Variants in XPR1 observed in about 807,000 individuals in gnomAD.
XPR1 encodes xenotropic and polytropic retrovirus receptor 1.
A neutral mutation model predicts 87.5 loss-of-function variants in XPR1; 28 were observed. The observed-to-expected ratio is 0.32, with a 90% confidence interval of 0.24 to 0.44. The LOEUF (loss-of-function observed/expected upper bound fraction) is 0.44, where lower values mean the gene tolerates loss of function less well. Among genes scored for constraint, XPR1 ranks in the 20% least tolerant of loss-of-function variants. XPR1 has a pLI of 1.00. For missense variants in XPR1, 559 were observed against 862.3 expected (o/e 0.65, Z 4.41); for synonymous variants, 300 against 306.1 (o/e 0.98, Z 0.21).
chr1:180,679,749 A>G (rs1656499692), intron 1 of XPR1, among the ~76,000 whole-genome samples: 1 of 152,222 alleles, frequency 6.6e-6, no homozygotes, highest in Non-Finnish European at 1.5e-5. Flanking sequence ...TATAAAGTAA[A>G]CCGATACTGT....
chr1:180,838,282 A>G lies in XPR1; in HGVS notation c.1501+1566A>G, dbSNP rs571325337. On this transcript the variant is annotated intron_variant, in intron 11 of 14. Coordinates refer to ENST00000367590, the MANE Select transcript of XPR1 (RefSeq NM_004736.4). Reference sequence around the variant, plus strand: ...AAGTGGATTATCATGAAGGTCATCTATGTCATCTTCACATTGTGTAGGCTG... The same window carrying G: ...AAGTGGATTATCATGAAGGTCATCTGTGTCATCTTCACATTGTGTAGGCTG... Among the ~76,000 whole-genome samples, 52 of 152,236 alleles carry G rather than the reference A, an allele frequency of 3.4e-4. 1 individual carries two copies. In the South Asian group the frequency reaches 8.7e-3, roughly 25 times the overall value.
At chr1:180,722,993 A>G (rs958987936) in intron 2 of XPR1, among the ~76,000 whole-genome samples, 3 of 152,220 alleles carry the variant, frequency 2.0e-5, no homozygotes, top group Non-Finnish European at 4.4e-5. Flanking sequence ...GGTGTCCACT[A>G]TATATTAGGA....
intron 1 of XPR1, among the ~76,000 whole-genome samples, chr1:180,656,654 A>T (rs1023480424): frequency 8.2e-6 from 1 of 122,092 alleles, no homozygotes; most frequent in African/African-American, 3.2e-5. Flanking sequence ...TATTATATAT[A>T]ATATATAATT....
Position 180,692,213 on chromosome 1 carries a change from T to C in XPR1, c.121+9802T>C, listed in dbSNP as rs529730722. On this transcript the variant is annotated intron_variant, in intron 2 of 14. Transcript: ENST00000367590. ...TTGTTTTGTCAGTAAGGTACCCTAG[T>C]CATTTATTGTCTCTGCTTGAAGTGG... Among the ~76,000 whole-genome samples, 25 of 152,192 alleles carry C rather than the reference T, an allele frequency of 1.6e-4. 1 individual carries two copies. Among genetic ancestry groups the C allele is most frequent in the African/African-American group, 5.5e-4 (23 of 41,554 alleles).
chr1:180,711,843 A>G (rs895195608), intron 2 of XPR1, among the ~76,000 whole-genome samples: 1 of 152,174 alleles, frequency 6.6e-6, no homozygotes, highest in Non-Finnish European at 1.5e-5. Context: ...TTTAGGTTTT[A>G]CATTTAGGTC....
At chr1:180,853,224 G>A (rs912968348) in intron 11 of XPR1, among the ~76,000 whole-genome samples, 5 of 152,140 alleles carry the variant, frequency 3.3e-5, no homozygotes, top group African/African-American at 1.2e-4. Context: ...CACTGCCACT[G>A]CGCCTGGCTT....
At chr1:180,816,475 C>T (rs1265745302) in intron 7 of XPR1, among the ~76,000 whole-genome samples, 1 of 152,132 alleles carries the variant, frequency 6.6e-6, no homozygotes, top group African/African-American at 2.4e-5. Flanking sequence ...TAACCTATGA[C>T]CCAGTTCTAA....
chr1:180,843,493 G>A (rs188902395), intron 11 of XPR1, among the ~76,000 whole-genome samples: 38 of 152,178 alleles, frequency 2.5e-4, no homozygotes, highest in Admixed American at 2.0e-3. Flanking sequence ...TGACGATGCC[G>A]TAAAGCCAAA....
At chr1:180,775,488 G>A (rs1457149751) in intron 2 of XPR1, among the ~76,000 whole-genome samples, 1 of 152,034 alleles carries the variant, frequency 6.6e-6, no homozygotes, top group Non-Finnish European at 1.5e-5. Flanking sequence ...TATTCATCTT[G>A]GATTATCCTC....
chr1:180,788,378 A>G (rs576705536), intron 3 of XPR1, among the ~76,000 whole-genome samples: 19 of 152,356 alleles, frequency 1.2e-4, no homozygotes, highest in South Asian at 8.3e-4. Context: ...GTATGTTGCA[A>G]TGTACATAAT....
intron 2 of XPR1, among the ~76,000 whole-genome samples, chr1:180,779,168 T>A (rs1044511469): frequency 1.3e-5 from 2 of 152,190 alleles, no homozygotes; most frequent in Non-Finnish European, 2.9e-5. Context: ...TGATCATTTC[T>A]TACTCTGCCA....
intron 1 of XPR1, among the ~76,000 whole-genome samples, chr1:180,649,912 A>G (rs553139049): frequency 5.3e-5 from 8 of 152,168 alleles, no homozygotes; most frequent in African/African-American, 1.7e-4. Flanking sequence ...CCTTAACTCT[A>G]CCTTCTCAAG....
chr1:180,822,474 T>G (rs1358221868), intron 7 of XPR1, among the ~76,000 whole-genome samples: 1 of 152,240 alleles, frequency 6.6e-6, no homozygotes, highest in Non-Finnish European at 1.5e-5. Context: ...GTAGTTTTCC[T>G]TCAAACCCCT....
intron 1 of XPR1, among the ~76,000 whole-genome samples, chr1:180,671,566 C>G (rs1337744041): frequency 6.6e-6 from 1 of 152,054 alleles, no homozygotes; most frequent in Admixed American, 6.5e-5. Context: ...GTCCTGTCAC[C>G]CAGGCTGGAG....
Position 180,843,925 on chromosome 1 carries a change from A to C in XPR1, c.1501+7209A>C, listed in dbSNP as rs1033305671. ...AGAGGATCTGTGGTGTTTAAAAGAA[A>C]TAGTTGACCGGGCACAGTAGCTCAC... On this transcript the variant is annotated intron_variant, in intron 11 of 14. Coordinates refer to ENST00000367590, the MANE Select transcript of XPR1 (RefSeq NM_004736.4). 2.6e-5 allele frequency among the ~76,000 whole-genome samples: 4 copies of C among 152,192 alleles called. No homozygotes were observed. In the East Asian group the frequency reaches 7.7e-4, roughly 29 times the overall value.
intron 1 of XPR1, among the ~76,000 whole-genome samples, chr1:180,646,719 C>T (rs1655131700): frequency 6.6e-6 from 1 of 152,102 alleles, no homozygotes; most frequent in Non-Finnish European, 1.5e-5. Context: ...AGCTTGTGGG[C>T]TTACCGAAAC....
chr1:180,868,758 A>C (rs1189779661), intron 12 of XPR1, among the ~76,000 whole-genome samples: 12 of 33,452 alleles, frequency 3.6e-4, no homozygotes, highest in African/African-American at 4.5e-4. Context: ...TGTCGTCTGC[A>C]AACAGGGACA....
In XPR1 at chr1:180,671,915, A is replaced by G. The variant is rs576653409; in HGVS notation, c.70-10445A>G. Among the ~76,000 whole-genome samples, 36 of 152,272 alleles carry G rather than the reference A, an allele frequency of 2.4e-4. No homozygotes were observed. The South Asian group carries it at 7.1e-3, about 30-fold the overall frequency. ...TATATTCTTAAATATTTGTTGAATG[A>G]GTGAGATTGTTTTGACTGAGATTCT... On this transcript the variant is annotated intron_variant, in intron 1 of 14. Coordinates refer to ENST00000367590, the MANE Select transcript of XPR1 (RefSeq NM_004736.4).
chr1:180,725,043 A>G (rs1363520444), intron 2 of XPR1, among the ~76,000 whole-genome samples: 1 of 152,212 alleles, frequency 6.6e-6, no homozygotes, highest in African/African-American at 2.4e-5. Flanking sequence ...TCATGGTTAT[A>G]AACAATAACA....
Sources: allele counts gnomAD v4.1 joint callset (sites outside exome capture counted in the v4.1 genomes callset), GRCh38; gene constraint gnomAD v4.1.1; transcripts MANE v1.5; gene names NCBI Gene and HGNC (gene_info 2026-07-23, HGNC 2026-07-21).